The following ZC4H2 variants were observed in gnomAD, a reference collection of about 807,000 sequenced individuals.
The protein encoded by ZC4H2 is zinc finger C4H2-type containing.
For missense variants in ZC4H2, 137 were observed against 173.9 expected, an observed-to-expected ratio of 0.79 and a Z score of 1.19; for synonymous variants, 84 against 66.3, an observed-to-expected ratio of 1.27 and a Z score of -1.30.
chrX:64,920,035 G>A lies in ZC4H2; in HGVS notation c.398+46C>T, dbSNP rs1384305603. On this transcript the variant is annotated intron_variant, in intron 3 of 4. Coordinates refer to ENST00000374839, the MANE Select transcript of ZC4H2 (RefSeq NM_018684.4). ...GTGTAGGTATGTAAGTATGTATGTG[G>A]GTCGGAGGGAGGGTATGTTGTAGGG... 3 of 1,173,052 alleles carry A rather than the reference G, an allele frequency of 2.6e-6. No individual in the cohort carries two copies. In the East Asian group the frequency reaches 9.0e-5, roughly 35 times the overall value.
intron 1 of ZC4H2, among the ~76,000 whole-genome samples, chrX:64,953,607 C>A (rs753183054): frequency 8.9e-6 from 1 of 112,137 alleles, no homozygotes; most frequent in African/African-American, 3.2e-5. Flanking sequence ...AAATGCAAAT[C>A]AAAACCACAA....
intron 1 of ZC4H2, among the ~76,000 whole-genome samples, chrX:64,931,606 G>A (rs763692740): frequency 9.0e-6 from 1 of 111,217 alleles, no homozygotes; most frequent in African/African-American, 3.3e-5. Context: ...TTTCATTGTT[G>A]ACCCAAAGCT....
intron 1 of ZC4H2, among the ~76,000 whole-genome samples, chrX:64,941,967 T>C (rs1930304294): frequency 8.9e-6 from 1 of 112,165 alleles, no homozygotes; most frequent in African/African-American, 3.2e-5. Flanking sequence ...GAAGAAATTG[T>C]ACCATCTCCT....
rs186088895 is a variant in ZC4H2 at position 64,939,846 on chromosome X, C to T, written c.54-17858G>A. On this transcript the variant is annotated intron_variant, in intron 1 of 4. Coordinates refer to ENST00000374839, the MANE Select transcript of ZC4H2 (RefSeq NM_018684.4). The stretch of plus-strand genomic sequence containing the variant: ...TAAAAATCCTAGAAGAAAACCTAGG[C>T]AATACCATTCAGGACATAGTAATGG... 4.5e-5 allele frequency among the ~76,000 whole-genome samples: 5 copies of T among 111,700 alleles called. No homozygotes were observed. In the East Asian group the frequency reaches 1.4e-3, roughly 32 times the overall value.
At chrX:65,029,784 A>G (rs1159581646) in intron 1 of ZC4H2, among the ~76,000 whole-genome samples, 1 of 111,077 alleles carries the variant, frequency 9.0e-6, no homozygotes, top group Non-Finnish European at 1.9e-5. Flanking sequence ...TAAGGAACAT[A>G]AGGTAATAAA....
intron 1 of ZC4H2, among the ~76,000 whole-genome samples, chrX:65,025,120 G>T (rs957882002): frequency 7.5e-5 from 8 of 106,311 alleles, no homozygotes; most frequent in Non-Finnish European, 1.5e-4. Flanking sequence ...CCAAATCCAT[G>T]GTTTTTTTGT....
At chrX:64,958,481 C>G (rs1269129959) in intron 1 of ZC4H2, among the ~76,000 whole-genome samples, 1 of 111,808 alleles carries the variant, frequency 8.9e-6, no homozygotes, top group Non-Finnish European at 1.9e-5. Flanking sequence ...TTTCACACAG[C>G]AATCTCAAGT....
chrX:64,944,464 GC>G (rs1467648002), intron 1 of ZC4H2, among the ~76,000 whole-genome samples: 1 of 111,209 alleles, frequency 9.0e-6, no homozygotes, highest in Admixed American at 9.6e-5. Flanking sequence ...AGTCTGATGG[GC>G]TTCTTTTGTT....
At chrX:64,934,669 A>G (rs1340060090) in intron 1 of ZC4H2, among the ~76,000 whole-genome samples, 3 of 112,064 alleles carry the variant, frequency 2.7e-5, no homozygotes, top group Admixed American at 9.5e-5. Flanking sequence ...CTGGTTGGAC[A>G]GTGGGTGCAG....
intron 1 of ZC4H2, among the ~76,000 whole-genome samples, chrX:64,983,146 G>C (rs1932116111): frequency 9.0e-6 from 1 of 111,589 alleles, no homozygotes; most frequent in Non-Finnish European, 1.9e-5. Context: ...GGCTGCCTGA[G>C]CTCACCTCTG....
chrX:65,008,581 G>A (rs768683705), intron 1 of ZC4H2, among the ~76,000 whole-genome samples: 1 of 112,438 alleles, frequency 8.9e-6, no homozygotes, highest in African/African-American at 3.2e-5. Flanking sequence ...ATCAACAGAT[G>A]AATGTATAAA....
At chrX:64,950,806 GATT>G (rs963956881) in intron 1 of ZC4H2, among the ~76,000 whole-genome samples, 5 of 109,505 alleles carry the variant, frequency 4.6e-5, no homozygotes, top group African/African-American at 1.7e-4. Context: ...TTTTATTTTT[GATT>G]ATTATTATTA....
chrX:64,976,079 G>T (rs1931938057), intron 1 of ZC4H2, among the ~76,000 whole-genome samples: 1 of 111,447 alleles, frequency 9.0e-6, no homozygotes, highest in Non-Finnish European at 1.9e-5. Flanking sequence ...ACCTCGAGAA[G>T]AATAAAACTG....
intron 4 of ZC4H2, chrX:64,918,137 A>T: frequency 1.4e-5 from 4 of 285,054 alleles, no homozygotes; most frequent in Non-Finnish European, 1.8e-5. Context: ...CAAAATGAGA[A>T]CTACACATCT....
chrX:65,007,850 T>C (rs1209606682), intron 1 of ZC4H2, among the ~76,000 whole-genome samples: 1 of 111,802 alleles, frequency 8.9e-6, no homozygotes, highest in South Asian at 3.7e-4. Flanking sequence ...CCTGAAACTA[T>C]GAAAGTATTA....
intron 2 of ZC4H2, among the ~76,000 whole-genome samples, chrX:64,921,355 T>A (rs1176556381): frequency 8.9e-6 from 1 of 111,741 alleles, no homozygotes; most frequent in Non-Finnish European, 1.9e-5. Context: ...ACAGTTCATA[T>A]TCTGTGTTCC....
chrX:65,028,536 A>AT (rs11413970), intron 1 of ZC4H2, among the ~76,000 whole-genome samples: 10,073 of 102,325 alleles, frequency 0.098, 1,222 homozygotes, highest in African/African-American at 0.32. Context: ...CCCTTTGGGG[A>AT]TTTTTTTTTT....
chrX:64,946,912 G>A (rs1414005550), intron 1 of ZC4H2, among the ~76,000 whole-genome samples: 3 of 109,964 alleles, frequency 2.7e-5, no homozygotes, highest in South Asian at 7.7e-4. Context: ...CTTCTTCCTC[G>A]AGTTTCTTGA....
chrX:65,034,464 CAAAT>C (rs1932982004), intron 1 of ZC4H2, among the ~76,000 whole-genome samples: 1 of 111,812 alleles, frequency 8.9e-6, no homozygotes, highest in African/African-American at 3.3e-5. Context: ...AAAATAAAAA[CAAAT>C]AAAAGACAAA....
Sources: allele counts gnomAD v4.1 joint callset (sites outside exome capture counted in the v4.1 genomes callset), GRCh38; gene constraint gnomAD v4.1.1; transcripts MANE v1.5; gene names NCBI Gene and HGNC (gene_info 2026-07-23, HGNC 2026-07-21).